Variants in NFIB observed in about 807,000 individuals in gnomAD.
The protein encoded by NFIB is nuclear factor 1 B-type.
Under a neutral mutation model 61.5 loss-of-function variants are expected in NFIB, and 11 were observed. The ratio of observed to expected loss-of-function variants is 0.18; its 90% confidence interval spans 0.11 to 0.30. NFIB has a LOEUF of 0.30. NFIB is among the 10% of genes least tolerant of loss of function. The pLI is 1.00. For synonymous variants in NFIB, 260 were observed against 216.5 expected, an observed-to-expected ratio of 1.20 and a Z score of -1.76; for missense variants, 471 against 608.9, an observed-to-expected ratio of 0.77 and a Z score of 2.38.
chr9:14,345,831 T>A (rs184280979), intron 1 of NFIB, among the ~76,000 whole-genome samples: 26 of 152,224 alleles, frequency 1.7e-4, no homozygotes, highest in Admixed American at 1.0e-3. Context: ...CTCACACCCC[T>A]CCCTCTTCAA....
At chr9:14,462,893 C>A in the NFIB span, among the ~76,000 whole-genome samples, 1 of 152,186 alleles carries the variant, frequency 6.6e-6, no homozygotes, top group Non-Finnish European at 1.5e-5. Flanking sequence ...TTATGCAACA[C>A]TTCCCAAAGG....
chr9:14,329,895 A>G (rs1449010666), intron 1 of NFIB, among the ~76,000 whole-genome samples: 3 of 151,738 alleles, frequency 2.0e-5, no homozygotes, highest in Non-Finnish European at 4.4e-5. Flanking sequence ...AGGCTGAGGC[A>G]GGCGGATCAC....
chr9:14,531,901 G>A, the NFIB span: 3 of 152,220 alleles, frequency 2.0e-5, no homozygotes, highest in East Asian at 1.9e-4. Context: ...AGAAGGGAGG[G>A]AAGTTTTGGG....
the NFIB span, among the ~76,000 whole-genome samples, chr9:14,527,783 CTATT>C: frequency 1.3e-5 from 2 of 152,080 alleles, no homozygotes; most frequent in African/African-American, 4.8e-5. Flanking sequence ...GGTATGGTAT[CTATT>C]AGTTTCTACC....
intron 1 of NFIB, among the ~76,000 whole-genome samples, chr9:14,312,982 GC>G (rs1295113620): frequency 6.6e-6 from 1 of 152,144 alleles, no homozygotes; most frequent in Non-Finnish European, 1.5e-5. Context: ...TCGATTCGTC[GC>G]CCGCCCACCG....
chr9:14,432,005 A>G, the NFIB span, among the ~76,000 whole-genome samples: 1 of 152,172 alleles, frequency 6.6e-6, no homozygotes, highest in East Asian at 1.9e-4. Context: ...AAAGCTTCTG[A>G]GGGAGACAAC....
intron 1 of NFIB, among the ~76,000 whole-genome samples, chr9:14,388,730 TA>T (rs2061584952): frequency 6.6e-6 from 1 of 152,196 alleles, no homozygotes; most frequent in African/African-American, 2.4e-5. Flanking sequence ...TGAGGAAGTC[TA>T]AGGATATCTG....
chr9:14,427,366 G>A, the NFIB span, among the ~76,000 whole-genome samples: 1 of 152,122 alleles, frequency 6.6e-6, no homozygotes, highest in African/African-American at 2.4e-5. Context: ...AGCTTATTCA[G>A]TCCACGTGAC....
intron 2 of NFIB, among the ~76,000 whole-genome samples, chr9:14,223,553 A>G (rs983320469): frequency 6.6e-6 from 1 of 152,192 alleles, no homozygotes; most frequent in African/African-American, 2.4e-5. Context: ...TAATAATTAC[A>G]CTGACTCTTT....
the NFIB span, among the ~76,000 whole-genome samples, chr9:14,477,914 G>A: frequency 6.6e-6 from 1 of 152,142 alleles, no homozygotes; most frequent in Admixed American, 6.5e-5. Flanking sequence ...GATGTTGGCT[G>A]ATGTCTTCCA....
chr9:14,369,212 C>T (rs1335338701), intron 1 of NFIB, among the ~76,000 whole-genome samples: 1 of 152,168 alleles, frequency 6.6e-6, no homozygotes, highest in African/African-American at 2.4e-5. Context: ...TGACGATCAG[C>T]GTTCAGACTT....
intron 1 of NFIB, among the ~76,000 whole-genome samples, chr9:14,323,636 C>T (rs1243199837): frequency 1.3e-5 from 2 of 152,138 alleles, no homozygotes; most frequent in Admixed American, 6.5e-5. Context: ...TATGTGATTA[C>T]CAGTGAGACT....
At chr9:14,178,772 C>T (rs889756111) in intron 3 of NFIB, among the ~76,000 whole-genome samples, 1 of 152,048 alleles carries the variant, frequency 6.6e-6, no homozygotes, top group African/African-American at 2.4e-5. Flanking sequence ...TCTGGTATTT[C>T]AGCCTCATAT....
chr9:14,462,573 T>C, the NFIB span, among the ~76,000 whole-genome samples: 44 of 152,272 alleles, frequency 2.9e-4, no homozygotes, highest in African/African-American at 8.9e-4. Flanking sequence ...TGAGCCACCG[T>C]GCCCGGCCAC....
intron 2 of NFIB, among the ~76,000 whole-genome samples, chr9:14,206,166 ACTCT>A (rs200726385): frequency 4.0e-4 from 57 of 141,990 alleles, no homozygotes; most frequent in Non-Finnish European, 6.5e-4. Context: ...TAACTTACTA[ACTCT>A]CTCTCTCTTT....
At chr9:14,293,075 T>A (rs980158317) in intron 2 of NFIB, among the ~76,000 whole-genome samples, 3 of 152,228 alleles carry the variant, frequency 2.0e-5, no homozygotes, top group Admixed American at 1.3e-4. Flanking sequence ...AGATTAACCA[T>A]GAAATTCTGT....
chr9:14,459,738 A>G, the NFIB span, among the ~76,000 whole-genome samples: 1 of 152,198 alleles, frequency 6.6e-6, no homozygotes, highest in South Asian at 2.1e-4. Flanking sequence ...AAAAGAAGAC[A>G]TTTATGCAGC....
chr9:14,392,045 G>A (rs1281015813), intron 1 of NFIB, among the ~76,000 whole-genome samples: 4 of 151,968 alleles, frequency 2.6e-5, no homozygotes, highest in Non-Finnish European at 5.9e-5. Flanking sequence ...CCCATCACCC[G>A]GTATAATCAT....
the NFIB span, among the ~76,000 whole-genome samples, chr9:14,525,010 T>C: frequency 1.4e-3 from 218 of 152,334 alleles, no homozygotes; most frequent in African/African-American, 4.9e-3. Context: ...GCTTGCCAAT[T>C]TCTTTCCAAA....
Sources: allele counts gnomAD v4.1 joint callset (sites outside exome capture counted in the v4.1 genomes callset), GRCh38; gene constraint gnomAD v4.1.1; transcripts MANE v1.5; gene names NCBI Gene and HGNC (gene_info 2026-07-23, HGNC 2026-07-21).